CUX1: variants seen among roughly 807,000 people sequenced by gnomAD.
CUX1 encodes cut like homeobox 1.
A neutral mutation model predicts 158.8 loss-of-function variants in CUX1; 31 were observed. That is an observed-to-expected ratio of 0.20 (90% CI 0.15 to 0.26). The LOEUF (loss-of-function observed/expected upper bound fraction) is 0.26, where lower values mean the gene tolerates loss of function less well. Among genes scored for constraint, CUX1 ranks in the 10% least tolerant of loss-of-function variants. The probability of loss-of-function intolerance (pLI) is 1.00; values close to 1 mark genes in which losing one functional copy is unlikely to be tolerated. For missense variants in CUX1, 1,589 were observed against 2,014.6 expected (o/e 0.79, Z 4.04); for synonymous variants, 879 against 862.1 (o/e 1.02, Z -0.34).
rs781873827 is a variant in CUX1 at position 102,248,859 on chromosome 7, C to T, written c.4335C>T (p.Ser1445=). ...CCGCGCCGCCGCCCAGCAACAGCAG[C>T]AGCAGCAGCGCCCCCCGCAGGCCCA... is the stretch of plus-strand genomic sequence containing the variant. ...PSSAPPPSNS[S]SSSAPRRPSS... The change falls in exon 24 of 24, where the codon AGC becomes AGT. Residue 1445 remains serine, a synonymous_variant. Transcript: ENST00000292535. The surrounding 1 kb of genome is among the most constrained non-coding windows in gnomAD (Gnocchi z 5.8). The T allele has an allele frequency of 7.8e-7, 1 of 1,287,338 alleles. No homozygotes were observed. The highest frequency in any genetic ancestry group is 9.9e-7 in the Non-Finnish European group (1 of 1,011,076). 79.7% of individuals were successfully genotyped at this position (1,287,338 alleles called of 1,614,324 possible).
chr7:102,212,005 G>A (rs1554523295), intron 20 of CUX1, among the ~76,000 whole-genome samples: 1 of 152,092 alleles, frequency 6.6e-6, no homozygotes, highest in Non-Finnish European at 1.5e-5. Context: ...GATGTATAGG[G>A]ATCACTCAGG....
At chr7:102,164,190 C>G (rs1383273124) in intron 9 of CUX1, among the ~76,000 whole-genome samples, 2 of 152,204 alleles carry the variant, frequency 1.3e-5, no homozygotes, top group African/African-American at 4.8e-5. Context: ...CGCCCACCAC[C>G]CCTCCGGGGC....
At chr7:102,161,828 G>A (rs1054961054) in intron 9 of CUX1, among the ~76,000 whole-genome samples, 2 of 151,978 alleles carry the variant, frequency 1.3e-5, no homozygotes, top group African/African-American at 4.8e-5. Flanking sequence ...GGCTGGTCTC[G>A]AACTCCTGAC....
intron 2 of CUX1, among the ~76,000 whole-genome samples, chr7:101,952,203 C>T (rs960683637): frequency 2.0e-5 from 3 of 151,908 alleles, no homozygotes; most frequent in South Asian, 2.1e-4. Context: ...GGCAACATAG[C>T]GAGACCCCGT....
At chr7:101,951,977 C>T (rs752285015) in intron 2 of CUX1, among the ~76,000 whole-genome samples, 7 of 152,162 alleles carry the variant, frequency 4.6e-5, no homozygotes, top group East Asian at 1.9e-4. Context: ...GGCTGTATGC[C>T]GATAAAACTT....
chr7:101,822,783 C>T (rs1043380416), intron 1 of CUX1, among the ~76,000 whole-genome samples: 1 of 151,910 alleles, frequency 6.6e-6, no homozygotes, highest in Non-Finnish European at 1.5e-5. Context: ...TATCCATAAT[C>T]CCAGATACTC....
intron 14 of CUX1, among the ~76,000 whole-genome samples, chr7:102,269,572 A>ATTTTTTTTTTTT (rs71123030): frequency 6.6e-4 from 71 of 107,754 alleles, no homozygotes; most frequent in African/African-American, 9.7e-4. Flanking sequence ...TGCCCGGCTA[A>ATTTTTTTTTTTT]TTTTTTTTTT....
At chr7:102,080,521 C>T (rs1361977251) in intron 4 of CUX1, among the ~76,000 whole-genome samples, 2 of 152,150 alleles carry the variant, frequency 1.3e-5, no homozygotes, top group Non-Finnish European at 2.9e-5. Context: ...GGACATTCAT[C>T]CTCAGGCTGG....
chr7:102,061,011 GC>G (rs1460647427), intron 3 of CUX1, among the ~76,000 whole-genome samples: 1 of 129,060 alleles, frequency 7.7e-6, no homozygotes, highest in Non-Finnish European at 1.6e-5. Flanking sequence ...TGCAACCTCC[GC>G]CTCCAGGGTT....
intron 1 of CUX1, among the ~76,000 whole-genome samples, chr7:101,835,087 G>C (rs944847908): frequency 6.6e-6 from 1 of 152,026 alleles, no homozygotes; most frequent in African/African-American, 2.4e-5. Flanking sequence ...CCATCACCAC[G>C]ATCTAGTTCC....
intron 1 of CUX1, among the ~76,000 whole-genome samples, chr7:101,885,139 G>C (rs1327124399): frequency 2.0e-5 from 3 of 152,198 alleles, no homozygotes; most frequent in African/African-American, 7.2e-5. Context: ...TGTCTCCTTT[G>C]GCGGGAGTCT....
intron 22 of CUX1, chr7:102,282,875 C>A: frequency 1.1e-6 from 1 of 916,776 alleles, no homozygotes; most frequent in Admixed American, 2.2e-5. Context: ...CACTCCTTAG[C>A]CCTCCATCAC....
chr7:102,025,055 G>T (rs991551602), intron 2 of CUX1, among the ~76,000 whole-genome samples: 1 of 152,150 alleles, frequency 6.6e-6, no homozygotes, highest in Non-Finnish European at 1.5e-5. Context: ...CTCTCGCGCT[G>T]CCGGCATTCC....
chr7:101,913,841 C>CT (rs369998343), intron 1 of CUX1, among the ~76,000 whole-genome samples: 32 of 151,852 alleles, frequency 2.1e-4, no homozygotes, highest in African/African-American at 5.6e-4. Context: ...AACATCAACT[C>CT]TTTTTTTTTC....
At chr7:102,198,200 C>T (rs1464652167) in intron 15 of CUX1, among the ~76,000 whole-genome samples, 5 of 152,152 alleles carry the variant, frequency 3.3e-5, no homozygotes, top group Non-Finnish European at 7.3e-5. Flanking sequence ...GTGGAGGCTG[C>T]AGTGAGCCAT....
chr7:102,213,365 C>T (rs1196470342), intron 20 of CUX1, among the ~76,000 whole-genome samples: 2 of 152,224 alleles, frequency 1.3e-5, no homozygotes, highest in African/African-American at 4.8e-5. Context: ...CCTTGAGCTT[C>T]CAGAGTAAGA....
intron 7 of CUX1, among the ~76,000 whole-genome samples, chr7:102,113,717 A>G (rs868934740): frequency 2.6e-5 from 4 of 151,720 alleles, no homozygotes; most frequent in African/African-American, 4.8e-5. Flanking sequence ...ACCACCACAC[A>G]TGGCTACTTT....
At chr7:101,962,521 G>A (rs556246186) in intron 2 of CUX1, among the ~76,000 whole-genome samples, 5 of 152,236 alleles carry the variant, frequency 3.3e-5, no homozygotes, top group East Asian at 1.9e-4. Flanking sequence ...TGTCTTTCCC[G>A]TGTCTGCCAT....
intron 1 of CUX1, among the ~76,000 whole-genome samples, chr7:101,846,006 TAA>T (rs796757768): frequency 7.1e-6 from 1 of 139,986 alleles, no homozygotes; most frequent in African/African-American, 2.6e-5. Flanking sequence ...AGACTCCATC[TAA>T]AAAAAAAAAA....
Sources: allele counts gnomAD v4.1 joint callset (sites outside exome capture counted in the v4.1 genomes callset), GRCh38; gene constraint gnomAD v4.1.1; non-coding constraint Gnocchi (gnomAD v3.1); transcripts MANE v1.5; gene names NCBI Gene and HGNC (gene_info 2026-07-23, HGNC 2026-07-21).